MYH15: variants seen among roughly 807,000 people sequenced by gnomAD.
The protein encoded by MYH15 is myosin heavy chain 15.
A neutral mutation model predicts 240.5 loss-of-function variants in MYH15; 227 were observed. That is an observed-to-expected ratio of 0.94 (90% CI 0.85 to 1.05). The LOEUF (loss-of-function observed/expected upper bound fraction) is 1.05, where lower values mean the gene tolerates loss of function less well. Among genes scored for constraint, MYH15 ranks in the 50% least tolerant of loss-of-function variants. MYH15 has a pLI of 0.00. For synonymous variants in MYH15, 785 were observed against 796.7 expected (o/e 0.99, Z 0.25); for missense variants, 2,217 against 2,247.5 (o/e 0.99, Z 0.27).
intron 39 of MYH15, 71 bp from the exon 40 acceptor site, chr3:108,383,800 G>C: frequency 8.2e-7 from 1 of 1,223,760 alleles, no homozygotes; most frequent in Non-Finnish European, 1.1e-6. Flanking sequence ...TTTCTGCTCT[G>C]ACATGAGAAA....
At chr3:108,386,150 G>C (rs1560303621) in intron 38 of MYH15, among the ~76,000 whole-genome samples, 1 of 152,248 alleles carries the variant, frequency 6.6e-6, no homozygotes, top group Admixed American at 6.5e-5. Flanking sequence ...ATCAACACAG[G>C]TTTAATTGCT....
chr3:108,452,396 CA>C (rs200851989), intron 21 of MYH15, among the ~76,000 whole-genome samples: 18 of 144,990 alleles, frequency 1.2e-4, no homozygotes, highest in African/African-American at 1.8e-4. Context: ...TTAGTAGCAA[CA>C]AAAAAAAAGG....
At chr3:108,399,001 C>G in intron 34 of MYH15, 74 bp downstream of exon 34, 1 of 1,512,650 alleles carries the variant, frequency 6.6e-7, no homozygotes, top group South Asian at 1.2e-5. Flanking sequence ...TGAACACAAT[C>G]TGTTGCTTAG....
intron 30 of MYH15, 83 bp from the exon 31 acceptor site, chr3:108,411,015 G>C: frequency 2.5e-6 from 3 of 1,194,932 alleles, no homozygotes; most frequent in Non-Finnish European, 3.5e-6. Context: ...TAAAGATAGA[G>C]CTTGGGTGCA....
intron 25 of MYH15, 49 bp downstream of exon 25, chr3:108,437,502 CCTT>C (rs1160890066): frequency 6.4e-7 from 1 of 1,566,242 alleles, no homozygotes; most frequent in African/African-American, 1.4e-5. Flanking sequence ...GAAAGCTGTT[CCTT>C]CTAATATAAG....
At chr3:108,455,695 C>G (rs898982639) in intron 20 of MYH15, 41 bp downstream of exon 20, 1 of 1,603,560 alleles carries the variant, frequency 6.2e-7, no homozygotes, top group African/African-American at 1.3e-5. Flanking sequence ...AGTCTTCCCC[C>G]CATTCGTCTC....
intron 7 of MYH15, among the ~76,000 whole-genome samples, chr3:108,494,759 G>A (rs190164089): frequency 2.8e-4 from 43 of 152,252 alleles, no homozygotes; most frequent in South Asian, 4.2e-4. Flanking sequence ...CTCCCAAAGT[G>A]CTAGGGTTAC....
Position 108,383,591 on chromosome 3 carries a change from A to G in MYH15, c.5766+4T>C. On this transcript the variant is annotated splice_donor_region_variant and intron_variant, in intron 40 of 40. Coordinates refer to ENST00000693548, the MANE Select transcript of MYH15 (RefSeq NM_014981.3). ...GTTAGAACAGAGTTGAATATCTGCC[A>G]TACCTTTTTCCCAAACTCTCTTGCT... The G allele has an allele frequency of 6.2e-7, 1 of 1,612,906 alleles. No homozygotes were observed. The highest frequency in any genetic ancestry group is 8.5e-7 in the Non-Finnish European group (1 of 1,179,404).
chr3:108,530,943 T>A (rs894811904), upstream of MYH15, among the ~76,000 whole-genome samples: 4 of 152,226 alleles, frequency 2.6e-5, no homozygotes, highest in South Asian at 6.2e-4. Context: ...ATGGAATAGC[T>A]GTTCTGGTTC....
At chr3:108,415,749 G>A (rs553745281) in intron 29 of MYH15, among the ~76,000 whole-genome samples, 1 of 152,288 alleles carries the variant, frequency 6.6e-6, no homozygotes, top group South Asian at 2.1e-4. Context: ...AGGCAGGAGT[G>A]ATGGTGCCTG....
intron 22 of MYH15, among the ~76,000 whole-genome samples, chr3:108,442,484 A>G (rs1402456247): frequency 1.3e-5 from 2 of 152,196 alleles, no homozygotes; most frequent in African/African-American, 2.4e-5. Context: ...ATTTTATCTT[A>G]GTTCACCCCA....
At position 108,470,084 on chromosome 3, in the gene MYH15, G is replaced by C. The variant is rs1424861223; in HGVS notation, c.1512C>G (p.Gly504=). 2 of 1,610,608 alleles carry C rather than the reference G, an allele frequency of 1.2e-6. No homozygotes were observed. The highest frequency in any genetic ancestry group is 1.3e-5 in the African/African-American group (1 of 74,706). The change falls in exon 14 of 41, where the codon GGC becomes GGG. Residue 504 remains glycine (G), a synonymous_variant. Coordinates refer to ENST00000693548, the MANE Select transcript of MYH15 (RefSeq NM_014981.3). ...TGCAAGCTTGCAAATCCAGACCAAA[G>C]CCAATAGACACCCATTCAATGCTTT... ...KKESIEWVSI[G]FGLDLQACID...
chr3:108,544,632 T>C, the MYH15 span, among the ~76,000 whole-genome samples: 1 of 152,216 alleles, frequency 6.6e-6, no homozygotes, highest in Non-Finnish European at 1.5e-5. Context: ...ACCTTGCTTA[T>C]TGTTCTCTCA....
In MYH15 at chr3:108,383,733, T is replaced by C. The variant is rs79837783; in HGVS notation, c.5632-4A>G. 22,927 of 1,094,500 alleles carry C rather than the reference T, an allele frequency of 0.021. 2,731 individuals are homozygous for C. The African/African-American group carries it at 0.39, about 19-fold the overall frequency. 67.8% of individuals were successfully genotyped at this position (1,094,500 alleles called of 1,614,324 possible). ...GGTATTGATTGGCTTGTGTTTCCTA[T>C]AAAAATAAAAAAAAAAAAAAAGAAA... On this transcript the variant is annotated splice_polypyrimidine_tract_variant and splice_region_variant and intron_variant, in intron 39 of 40. Transcript: ENST00000693548.
intron 15 of MYH15, among the ~76,000 whole-genome samples, 159 bp downstream of exon 15, chr3:108,464,479 G>A (rs1370671408): frequency 6.6e-6 from 1 of 152,160 alleles, no homozygotes; most frequent in Non-Finnish European, 1.5e-5. Context: ...TTTCCTGAGT[G>A]CTAAAAGGCT....
At chr3:108,388,871 G>T in intron 38 of MYH15, 99 bp downstream of exon 38, 1 of 925,938 alleles carries the variant, frequency 1.1e-6, no homozygotes, top group Non-Finnish European at 1.7e-6. Context: ...GATGAAGAGA[G>T]AACGGCAGGA....
chr3:108,514,313 T>C (rs1473032270), upstream of MYH15, among the ~76,000 whole-genome samples: 2 of 151,786 alleles, frequency 1.3e-5, no homozygotes, highest in Non-Finnish European at 3.0e-5. Context: ...TGTAGTTCTT[T>C]TAGAAATTCA....
At position 108,460,318 on chromosome 3, in the gene MYH15, C is replaced by G; in HGVS notation, c.1914G>C (p.Thr638=). 6.3e-7 allele frequency: 1 copy of G among 1,599,114 alleles called. No homozygotes were observed. The highest frequency in any genetic ancestry group is 8.5e-7 in the Non-Finnish European group (1 of 1,172,346). ...KKRKKGASFQ[T]VASLHKENLN... is the part of the protein sequence containing the mutation. Reference sequence around the variant, plus strand: ...AAATTACTTTATGCAGAGATGCAACCGTTTGGAATGAAGCTCCTTTCTTTC... The same window carrying G: ...AAATTACTTTATGCAGAGATGCAACGGTTTGGAATGAAGCTCCTTTCTTTC... Residue 638 remains threonine (T), a synonymous_variant, in exon 17 of 41, where the codon ACG becomes ACC. Transcript: ENST00000693548.
In MYH15 at chr3:108,429,065, G is replaced by A. The variant is rs549297668; in HGVS notation, c.3313-184C>T. 3.9e-5 allele frequency among the ~76,000 whole-genome samples: 6 copies of A among 152,190 alleles called. No homozygotes were observed. In the East Asian group the frequency reaches 1.2e-3, roughly 29 times the overall value. ...ACCAAGACCAGAATTAGAATTTGCA[G>A]TTCTGCCAAATTGCTCAGCCCCTGA... On this transcript the variant is annotated intron_variant, in intron 26 of 40. Transcript: ENST00000693548.
Sources: gnomAD v4.1 joint callset for allele counts (sites outside exome capture counted in the v4.1 genomes callset) on GRCh38, gnomAD v4.1.1 for gene constraint, MANE v1.5 for transcripts, NCBI Gene and HGNC (gene_info 2026-07-23, HGNC 2026-07-21) for gene names.